Variants in SLIT2 observed in about 807,000 individuals in gnomAD.
SLIT2 encodes the protein slit homolog 2 protein.
Under a neutral mutation model 185.7 loss-of-function variants are expected in SLIT2, and 41 were observed. The ratio of observed to expected loss-of-function variants is 0.22; its 90% CI spans 0.17 to 0.29. SLIT2 has a LOEUF of 0.29. Ranked by LOEUF, SLIT2 falls within the 10% of genes least tolerant of loss-of-function variation. The probability of loss-of-function intolerance (pLI) is 1.00; values close to 1 mark genes in which losing one functional copy is unlikely to be tolerated. For synonymous variants in SLIT2, 693 were observed against 680.2 expected, an observed-to-expected ratio of 1.02 and a Z score of -0.29; for missense variants, 1,571 against 1,909.0, an observed-to-expected ratio of 0.82 and a Z score of 3.30.
At chr4:20,409,442 G>T (rs530073522) in intron 4 of SLIT2, among the ~76,000 whole-genome samples, 1 of 152,272 alleles carries the variant, frequency 6.6e-6, no homozygotes, top group African/African-American at 2.4e-5. Flanking sequence ...TGGTGTATAT[G>T]TACCACATTT....
At chr4:20,288,624 C>T (rs761453138) in intron 4 of SLIT2, among the ~76,000 whole-genome samples, 12 of 152,100 alleles carry the variant, frequency 7.9e-5, no homozygotes, top group Admixed American at 2.6e-4. Context: ...TTGAAGTATA[C>T]AAAATGAACG....
chr4:20,512,145 AAACTC>A (rs1719813905), intron 11 of SLIT2, among the ~76,000 whole-genome samples: 2 of 152,150 alleles, frequency 1.3e-5, no homozygotes, highest in Admixed American at 6.6e-5. Context: ...TTAAGAGCCG[AAACTC>A]AGAGAAGGGT....
chr4:20,566,636 A>T (rs1410243159), intron 26 of SLIT2, among the ~76,000 whole-genome samples: 1 of 152,056 alleles, frequency 6.6e-6, no homozygotes, highest in Non-Finnish European at 1.5e-5. Flanking sequence ...CCCATCACAT[A>T]TTGTGCAAAT....
intron 4 of SLIT2, among the ~76,000 whole-genome samples, chr4:20,451,226 C>T (rs1712435904): frequency 6.6e-6 from 1 of 152,166 alleles, no homozygotes; most frequent in African/African-American, 2.4e-5. Flanking sequence ...AGCTGTCACT[C>T]AGTCACACTT....
chr4:20,372,775 A>G (rs996075265), intron 4 of SLIT2, among the ~76,000 whole-genome samples: 4 of 152,088 alleles, frequency 2.6e-5, no homozygotes, highest in Admixed American at 6.6e-5. Context: ...AATTGAAAGC[A>G]AGTGTATTGA....
chr4:20,541,683 G>T lies in SLIT2; in HGVS notation c.2143+64G>T, dbSNP rs978142797. 4 of 1,367,774 alleles carry T rather than the reference G, an allele frequency of 2.9e-6. No individual in the cohort carries two copies. The African/African-American group carries it at 5.7e-5, about 20-fold the overall frequency. The allele number at this position is 1,367,774 out of a possible 1,614,324, so 84.7% of individuals were successfully genotyped here. A position where few individuals can be genotyped will look rare whatever the true frequency, so the allele number is the denominator to read the frequency against. On this transcript the variant is annotated intron_variant, in intron 20 of 36. Coordinates refer to ENST00000504154, the MANE Select transcript of SLIT2 (RefSeq NM_004787.4). ...CACATGCCTGTTCTGATGCAGCTTTGCACAAATCTACAGCATAGTTCAGCT... is the reference window on the plus strand; with the variant it reads ...CACATGCCTGTTCTGATGCAGCTTTTCACAAATCTACAGCATAGTTCAGCT...
chr4:20,339,749 C>T (rs960333284), intron 4 of SLIT2, among the ~76,000 whole-genome samples: 2 of 152,066 alleles, frequency 1.3e-5, no homozygotes, highest in South Asian at 2.1e-4. Flanking sequence ...CCTGTAGACT[C>T]TCCTATGGTC....
intron 11 of SLIT2, among the ~76,000 whole-genome samples, chr4:20,515,125 A>C (rs1720088304): frequency 6.6e-6 from 1 of 152,200 alleles, no homozygotes; most frequent in South Asian, 2.1e-4. Context: ...GGCTGTGTTC[A>C]AATCCTGGCT....
chr4:20,510,458 C>G (rs751541683), intron 9 of SLIT2, 37 bp from the exon 10 acceptor site: 14 of 1,352,878 alleles, frequency 1.0e-5, no homozygotes, highest in Non-Finnish European at 1.5e-5. Flanking sequence ...CGAAGGTTCA[C>G]ATTTCCATTT....
intron 4 of SLIT2, among the ~76,000 whole-genome samples, chr4:20,441,484 A>ATCTCTC (rs35297721): frequency 7.9e-5 from 10 of 127,044 alleles, no homozygotes; most frequent in African/African-American, 3.2e-4. Flanking sequence ...CCCTCATCCA[A>ATCTCTC]TCTCTCTCTC....
intron 4 of SLIT2, among the ~76,000 whole-genome samples, chr4:20,392,877 C>A (rs1725543201): frequency 6.6e-6 from 1 of 151,990 alleles, no homozygotes; most frequent in African/African-American, 2.4e-5. Flanking sequence ...TAGAGTACCT[C>A]CTGAAGAACC....
rs771890707 is a variant in SLIT2 at position 20,617,539 on chromosome 4, T to C, written c.4237T>C (p.Phe1413Leu). 6.2e-7 allele frequency: 1 copy of C among 1,613,958 alleles called. No individual in the cohort carries two copies. Among genetic ancestry groups the C allele is most frequent in the Non-Finnish European group, 8.5e-7 (1 of 1,179,988 alleles). The change falls in exon 36 of 37, where the codon TTT becomes CTT. Residue 1413 changes from phenylalanine to leucine, a missense_variant. Physicochemically the swap from Phe to Leu is conservative, Grantham distance 22 (BLOSUM62 0). Around this residue, in one of 3 missense-constraint regions of SLIT2, gnomAD observed 223 missense variants for 245.2 expected, o/e 0.91. Transcript: ENST00000504154. The stretch of plus-strand genomic sequence containing the variant: ...CCTCTGTGATGAAGAGGAGGATCTG[T>C]TTAACCCATGCCAGGCGATCAAGTG... ...GVLCDEEEDL[F>L]NPCQAIKCKH...
chr4:20,554,745 T>TG (rs1358686951), intron 26 of SLIT2, among the ~76,000 whole-genome samples: 2 of 150,804 alleles, frequency 1.3e-5, no homozygotes, highest in Admixed American at 6.6e-5. Context: ...TGTGGGGTTT[T>TG]GGGGGGGCTT....
At chr4:20,520,736 A>G (rs1354250163) in intron 12 of SLIT2, among the ~76,000 whole-genome samples, 7 of 152,166 alleles carry the variant, frequency 4.6e-5, no homozygotes, top group Non-Finnish European at 8.8e-5. Context: ...TGTTAATGAA[A>G]CAATAATGAA....
intron 4 of SLIT2, among the ~76,000 whole-genome samples, chr4:20,270,143 A>G (rs898536811): frequency 6.6e-6 from 1 of 152,026 alleles, no homozygotes; most frequent in Non-Finnish European, 1.5e-5. Context: ...CTTAGGAAAT[A>G]GGGTGTAGGT....
intron 4 of SLIT2, chr4:20,394,856 A>G (rs1725756900): frequency 6.6e-6 from 1 of 152,094 alleles, no homozygotes; most frequent in Non-Finnish European, 1.5e-5. Context: ...GTCTAATACT[A>G]TAGTAGCTGA....
intron 4 of SLIT2, among the ~76,000 whole-genome samples, chr4:20,438,621 C>T (rs1729526162): frequency 6.6e-6 from 1 of 152,162 alleles, no homozygotes; most frequent in Non-Finnish European, 1.5e-5. Flanking sequence ...CCTACTGGCT[C>T]CCACACCAGC....
intron 9 of SLIT2, among the ~76,000 whole-genome samples, chr4:20,506,862 C>T (rs1244647387): frequency 1.3e-5 from 2 of 151,964 alleles, no homozygotes; most frequent in Non-Finnish European, 2.9e-5. Flanking sequence ...TTACGTTTTG[C>T]CTTAATGAAC....
At chr4:20,442,091 A>G (rs975898877) in intron 4 of SLIT2, among the ~76,000 whole-genome samples, 9 of 152,246 alleles carry the variant, frequency 5.9e-5, no homozygotes, top group African/African-American at 1.9e-4. Context: ...GGGAAAGGCA[A>G]ACTGGGTTCA....
Sources: gnomAD v4.1 joint callset for allele counts (sites outside exome capture counted in the v4.1 genomes callset) on GRCh38, gnomAD v4.1.1 for gene constraint, gnomAD v4.1.1 regional missense constraint, MANE v1.5 for transcripts, NCBI Gene and HGNC (gene_info 2026-07-23, HGNC 2026-07-21) for gene names.